PITPNC1: variants seen among roughly 807,000 people sequenced by gnomAD.
PITPNC1 encodes cytoplasmic phosphatidylinositol transfer protein 1.
Under a neutral mutation model 44.7 loss-of-function variants are expected in PITPNC1, and 18 were observed. The ratio of observed to expected loss-of-function variants is 0.40; its 90% confidence interval spans 0.28 to 0.60. The LOEUF is 0.60. Ranked by LOEUF, PITPNC1 falls within the 20% of genes least tolerant of loss-of-function variation. PITPNC1 has a pLI of 0.39. For synonymous variants in PITPNC1, 141 were observed against 149.6 expected, an observed-to-expected ratio of 0.94 and a Z score of 0.42; for missense variants, 290 against 418.4, an observed-to-expected ratio of 0.69 and a Z score of 2.68.
At chr17:67,476,112 C>G (rs1411881307) in intron 1 of PITPNC1, among the ~76,000 whole-genome samples, 1 of 152,124 alleles carries the variant, frequency 6.6e-6, no homozygotes, top group Non-Finnish European at 1.5e-5. Context: ...TGTCTTGATA[C>G]CAATCCATTT....
intron 5 of PITPNC1, among the ~76,000 whole-genome samples, chr17:67,585,760 G>A (rs1184624088): frequency 2.6e-5 from 4 of 152,144 alleles, no homozygotes; most frequent in Non-Finnish European, 5.9e-5. Context: ...AGCCAAGATC[G>A]TGCCACTGCA....
chr17:67,601,723 C>G (rs1490372758), intron 5 of PITPNC1, among the ~76,000 whole-genome samples: 8 of 152,038 alleles, frequency 5.3e-5, no homozygotes, highest in Non-Finnish European at 1.0e-4. Flanking sequence ...CCACTGCACT[C>G]TAGTCTGGGT....
intron 8 of PITPNC1, among the ~76,000 whole-genome samples, chr17:67,680,740 A>C (rs911699011): frequency 7.9e-5 from 12 of 152,220 alleles, no homozygotes; most frequent in African/African-American, 2.9e-4. Context: ...AGCTTTTTGT[A>C]AGAAGCATGT....
chr17:67,617,260 C>T (rs1327098952), intron 5 of PITPNC1, among the ~76,000 whole-genome samples: 1 of 152,204 alleles, frequency 6.6e-6, no homozygotes, highest in Non-Finnish European at 1.5e-5. Flanking sequence ...AATCCCAGCA[C>T]TTCGGGAGGC....
At chr17:67,573,279 T>C (rs2041088365) in intron 4 of PITPNC1, among the ~76,000 whole-genome samples, 1 of 151,940 alleles carries the variant, frequency 6.6e-6, no homozygotes, top group African/African-American at 2.4e-5. Context: ...AAAAAAATCA[T>C]GAAAAGTCAG....
At chr17:67,558,586 T>C (rs1190285410) in intron 4 of PITPNC1, among the ~76,000 whole-genome samples, 4 of 152,120 alleles carry the variant, frequency 2.6e-5, no homozygotes, top group African/African-American at 7.2e-5. Context: ...AAACTTAAGT[T>C]ACAGGAAATG....
intron 1 of PITPNC1, among the ~76,000 whole-genome samples, chr17:67,459,047 T>G (rs1166091887): frequency 6.6e-6 from 1 of 151,896 alleles, no homozygotes; most frequent in African/African-American, 2.4e-5. Context: ...CCCCTAGTCT[T>G]TCTTTTCACT....
rs1037661235 is a variant in PITPNC1, at chr17:67,424,822, C to A, written c.48+46620C>A. On this transcript the variant is annotated intron_variant, in intron 1 of 8. Coordinates refer to ENST00000581322, the MANE Select transcript of PITPNC1 (RefSeq NM_012417.4). Reference sequence around the variant, plus strand: ...GCGATTCTCTTGCCTCAGTGTCAGGCCTCTCAGCCCAAGCTAAGCATGTGA... The same window carrying A: ...GCGATTCTCTTGCCTCAGTGTCAGGACTCTCAGCCCAAGCTAAGCATGTGA... Among the ~76,000 whole-genome samples, 52 of 151,964 alleles carry A rather than the reference C, an allele frequency of 3.4e-4. 1 individual carries two copies. The highest frequency in any genetic ancestry group is 1.0e-3 in the African/African-American group (42 of 41,402).
chr17:67,519,699 A>G (rs184231399), intron 1 of PITPNC1, among the ~76,000 whole-genome samples: 1 of 152,290 alleles, frequency 6.6e-6, no homozygotes, highest in Admixed American at 6.5e-5. Context: ...CTCTCTGGCT[A>G]CAAGTGCCAT....
intron 1 of PITPNC1, among the ~76,000 whole-genome samples, chr17:67,529,107 T>TCTGCCCCGCGC (rs1253698760): frequency 6.6e-6 from 1 of 152,128 alleles, no homozygotes; most frequent in Non-Finnish European, 1.5e-5. Flanking sequence ...AATGCCAGTG[T>TCTGCCCCGCGC]CTGCCCCGCG....
chr17:67,411,031 G>A (rs1336866627), intron 1 of PITPNC1, among the ~76,000 whole-genome samples: 1 of 150,212 alleles, frequency 6.7e-6, no homozygotes, highest in Non-Finnish European at 1.5e-5. Flanking sequence ...GCAGTGAGCC[G>A]AGATTGCGCC....
At chr17:67,489,615 G>A (rs924693323) in intron 1 of PITPNC1, among the ~76,000 whole-genome samples, 2 of 152,170 alleles carry the variant, frequency 1.3e-5, no homozygotes, top group Non-Finnish European at 2.9e-5. Context: ...CTCAGCATGG[G>A]GACTTTTGAA....
intron 1 of PITPNC1, among the ~76,000 whole-genome samples, chr17:67,389,777 T>C (rs564737450): frequency 3.3e-5 from 5 of 152,174 alleles, no homozygotes; most frequent in African/African-American, 1.2e-4. Context: ...CTTCCTGGGT[T>C]CAAGCAATTC....
At chr17:67,380,768 G>A (rs2037946173) in intron 1 of PITPNC1, among the ~76,000 whole-genome samples, 1 of 151,946 alleles carries the variant, frequency 6.6e-6, no homozygotes, top group African/African-American at 2.4e-5. Context: ...AACTTTGGAA[G>A]CCTAACTTTT....
chr17:67,494,189 C>CTTTCTTTCT (rs2039905668), intron 1 of PITPNC1, among the ~76,000 whole-genome samples: 1 of 62,064 alleles, frequency 1.6e-5, no homozygotes, highest in African/African-American at 5.1e-5. Context: ...CTTTCTTTTT[C>CTTTCTTTCT]TTTCTTTCTT....
At chr17:67,572,737 T>G in intron 4 of PITPNC1, among the ~76,000 whole-genome samples, 1 of 146,988 alleles carries the variant, frequency 6.8e-6, no homozygotes, top group African/African-American at 2.5e-5. Context: ...AATTTCGGGC[T>G]GAGAGTACCA....
intron 5 of PITPNC1, among the ~76,000 whole-genome samples, chr17:67,625,936 C>G (rs2041890056): frequency 6.6e-6 from 1 of 151,664 alleles, no homozygotes; most frequent in South Asian, 2.1e-4. Context: ...CCCAGAATCC[C>G]TGAAACCCAT....
chr17:67,421,132 C>A (rs1297492045), intron 1 of PITPNC1, among the ~76,000 whole-genome samples: 1 of 152,136 alleles, frequency 6.6e-6, no homozygotes, highest in Non-Finnish European at 1.5e-5. Context: ...AAGCTTTCTT[C>A]TTGATGGTGC....
intron 2 of PITPNC1, among the ~76,000 whole-genome samples, chr17:67,549,927 C>G (rs2040736204): frequency 6.6e-6 from 1 of 152,194 alleles, no homozygotes; most frequent in Admixed American, 6.5e-5. Flanking sequence ...GAATCCACAT[C>G]TTCCCACACT....
Sources: allele counts gnomAD v4.1 joint callset (sites outside exome capture counted in the v4.1 genomes callset), GRCh38; gene constraint gnomAD v4.1.1; transcripts MANE v1.5; gene names NCBI Gene and HGNC (gene_info 2026-07-23, HGNC 2026-07-21).